The following ASAP2 variants were observed in gnomAD, a reference collection of about 807,000 sequenced individuals.
ASAP2 encodes arf-GAP with SH3 domain, ANK repeat and PH domain-containing protein 2.
Under a neutral mutation model 131.4 loss-of-function variants are expected in ASAP2, and 45 were observed. That is an observed-to-expected ratio of 0.34 (90% CI 0.27 to 0.44). ASAP2 has a LOEUF of 0.44. Ranked by LOEUF, ASAP2 falls within the 20% of genes least tolerant of loss-of-function variation. The pLI, the probability that ASAP2 is intolerant of heterozygous loss-of-function variation, is 1.00. For synonymous variants in ASAP2, 510 were observed against 503.0 expected, an observed-to-expected ratio of 1.01 and a Z score of -0.19; for missense variants, 1,011 against 1,297.0, an observed-to-expected ratio of 0.78 and a Z score of 3.39.
At chr2:9,325,621 T>C (rs1335715024) in intron 6 of ASAP2, among the ~76,000 whole-genome samples, 1 of 152,208 alleles carries the variant, frequency 6.6e-6, no homozygotes, top group Non-Finnish European at 1.5e-5. Flanking sequence ...GAGTAATTGG[T>C]TCCCCACTTG....
Position 9,388,390 on chromosome 2 carries a change from G to T in ASAP2, c.2227G>T (p.Ala743Ser), listed in dbSNP as rs751538314. ...SNAVSLARDA[A>S]NLAKEKQRAF... ...CGCTGTATCTTTGGCCAGAGATGCTGCAAACCTTGCCAAGGAGAAGCAGAG... is the reference window on the plus strand; with the variant it reads ...CGCTGTATCTTTGGCCAGAGATGCTTCAAACCTTGCCAAGGAGAAGCAGAG... The change falls in exon 22 of 28, where the codon GCA (alanine) becomes TCA (serine). Residue 743 changes from alanine (A) to serine (S), a missense_variant. Transcript: ENST00000281419. 19 of 1,614,032 alleles carry T rather than the reference G, an allele frequency of 1.2e-5. No homozygotes were observed. In the African/African-American group the frequency reaches 2.3e-4, roughly 19 times the overall value.
At chr2:9,213,090 T>C (rs868099512) in intron 1 of ASAP2, among the ~76,000 whole-genome samples, 9 of 152,336 alleles carry the variant, frequency 5.9e-5, no homozygotes, top group Non-Finnish European at 7.3e-5. Context: ...CCTTAGGCAG[T>C]TGATACGTGC....
At chr2:9,374,717 C>G (rs762429240) in intron 16 of ASAP2, 38 bp from the exon 17 acceptor site, 1 of 1,550,672 alleles carries the variant, frequency 6.4e-7, no homozygotes, top group South Asian at 1.2e-5. Context: ...CGGGTAGAAG[C>G]CCTTCATGAT....
chr2:9,292,571 C>T (rs144070875), intron 2 of ASAP2, among the ~76,000 whole-genome samples: 1 of 152,230 alleles, frequency 6.6e-6, no homozygotes, highest in East Asian at 1.9e-4. Flanking sequence ...AGTGGGAACA[C>T]ATAGGACTCC....
intron 1 of ASAP2, among the ~76,000 whole-genome samples, chr2:9,278,673 C>T (rs745489573): frequency 6.6e-5 from 10 of 152,124 alleles, no homozygotes; most frequent in Non-Finnish European, 1.2e-4. Context: ...AGACAACTGC[C>T]GTGTAGTAGC....
At chr2:9,376,145 C>T (rs1331293570) in intron 17 of ASAP2, among the ~76,000 whole-genome samples, 1 of 152,252 alleles carries the variant, frequency 6.6e-6, no homozygotes, top group South Asian at 2.1e-4. Context: ...AGGCTCTGAG[C>T]TGGTCCCACT....
intron 2 of ASAP2, among the ~76,000 whole-genome samples, chr2:9,286,724 C>A (rs1667494457): frequency 6.6e-6 from 1 of 152,108 alleles, no homozygotes; most frequent in African/African-American, 2.4e-5. Context: ...CTATATATAG[C>A]TGAATTAGGA....
chr2:9,278,070 G>T (rs1450061882), intron 1 of ASAP2, among the ~76,000 whole-genome samples: 1 of 152,136 alleles, frequency 6.6e-6, no homozygotes, highest in Non-Finnish European at 1.5e-5. Flanking sequence ...AACTCACATG[G>T]GGTAATAATG....
At chr2:9,313,701 T>G (rs1400230781) in intron 3 of ASAP2, among the ~76,000 whole-genome samples, 5 of 152,178 alleles carry the variant, frequency 3.3e-5, no homozygotes, top group African/African-American at 1.2e-4. Context: ...TGACTCTGAT[T>G]GTGGTTTTGT....
chr2:9,377,070 C>A, intron 18 of ASAP2, 77 bp downstream of exon 18: 2 of 1,279,428 alleles, frequency 1.6e-6, no homozygotes, highest in East Asian at 4.6e-5. Context: ...GCTGCCTCAT[C>A]GCTTCTGATG....
chr2:9,312,361 C>T (rs1176194265), intron 3 of ASAP2, among the ~76,000 whole-genome samples: 1 of 152,210 alleles, frequency 6.6e-6, no homozygotes. Context: ...GCTTCTCTCT[C>T]TCCAGCTGCT....
intron 7 of ASAP2, among the ~76,000 whole-genome samples, chr2:9,330,607 T>C (rs533636617): frequency 6.6e-6 from 1 of 152,310 alleles, no homozygotes; most frequent in African/African-American, 2.4e-5. Flanking sequence ...GACCTTGCAA[T>C]TATATAGTTT....
rs1226695128 is a variant in ASAP2 at position 9,380,742 on chromosome 2, A to G, written c.1950A>G (p.Ala650=). Residue 650 remains alanine (A), a splice_region_variant and synonymous_variant, in exon 20 of 28, where the codon GCA becomes GCG. Coordinates refer to ENST00000281419, the MANE Select transcript of ASAP2 (RefSeq NM_003887.3). ...CCTTTGCTCGCCCTTGAATTTTAGC[A>G]AACGAGTCAGGAGAGACTCCGCTGG... The part of the protein sequence containing the change: ...LLRGKASIEI[A]NESGETPLDI... The G allele has an allele frequency of 4.3e-6, 7 of 1,614,058 alleles. No individual in the cohort carries two copies. In the Admixed American group the frequency reaches 8.3e-5, roughly 19 times the overall value.
At chr2:9,272,632 C>T (rs1374678338) in intron 1 of ASAP2, among the ~76,000 whole-genome samples, 1 of 152,080 alleles carries the variant, frequency 6.6e-6, no homozygotes, top group Non-Finnish European at 1.5e-5. Context: ...AATTCTTTGC[C>T]CAGACCAGTG....
chr2:9,244,702 A>G lies in ASAP2; in HGVS notation c.127-34615A>G, dbSNP rs375434864. ...CTACCATTGCAGCCCAGTGCCAGTG[A>G]CACTTAGGGACTCTTCCCTGAGCAC... On this transcript the variant is annotated intron_variant, in intron 1 of 27. Transcript: ENST00000281419. Among the ~76,000 whole-genome samples, 10 of 152,332 alleles carry G rather than the reference A, an allele frequency of 6.6e-5. No individual in the cohort carries two copies. In the South Asian group the frequency reaches 2.1e-3, roughly 32 times the overall value.
At chr2:9,210,603 G>A (rs937250815) in intron 1 of ASAP2, among the ~76,000 whole-genome samples, 1 of 151,712 alleles carries the variant, frequency 6.6e-6, no homozygotes, top group African/African-American at 2.4e-5. Context: ...CGCCCAGGCT[G>A]GAGTGCAGTG....
chr2:9,278,228 A>C (rs1477155905), intron 1 of ASAP2, among the ~76,000 whole-genome samples: 2 of 152,022 alleles, frequency 1.3e-5, no homozygotes, highest in Non-Finnish European at 2.9e-5. Flanking sequence ...TTGCTTTTCT[A>C]TGTTGTTTAA....
intron 21 of ASAP2, among the ~76,000 whole-genome samples, chr2:9,386,488 G>C (rs1675271216): frequency 6.6e-6 from 1 of 152,218 alleles, no homozygotes; most frequent in African/African-American, 2.4e-5. Context: ...AGGTTGCATA[G>C]TCCAAGGAAA....
chr2:9,370,322 AGTT>A (rs1262544437), intron 16 of ASAP2, among the ~76,000 whole-genome samples: 6 of 152,206 alleles, frequency 3.9e-5, no homozygotes, highest in Non-Finnish European at 2.9e-5. Flanking sequence ...TGAGCGATTT[AGTT>A]GTTGTTGGAT....
Sources: gnomAD v4.1 joint callset for allele counts (sites outside exome capture counted in the v4.1 genomes callset) on GRCh38, gnomAD v4.1.1 for gene constraint, MANE v1.5 for transcripts, NCBI Gene and HGNC (gene_info 2026-07-23, HGNC 2026-07-21) for gene names.